The following KLHL18 variants were observed in gnomAD, a reference collection of about 807,000 sequenced individuals.
The protein encoded by KLHL18 is kelch like family member 18, also known as kelch-like protein 18.
KLHL18 carries 38 observed loss-of-function variants against 58.5 expected under a neutral mutation model. The observed-to-expected ratio is 0.65, with a 90% confidence interval of 0.50 to 0.85. The LOEUF is 0.85. KLHL18 is among the 40% of genes least tolerant of loss of function. The pLI is 0.00. For synonymous variants in KLHL18, 303 were observed against 301.9 expected, an observed-to-expected ratio of 1.00 and a Z score of -0.04; for missense variants, 624 against 778.4, an observed-to-expected ratio of 0.80 and a Z score of 2.36.
At chr3:47,316,548 C>CATATATATGTATATATATAT (rs1559495599) in intron 1 of KLHL18, among the ~76,000 whole-genome samples, 1 of 7,316 alleles carries the variant, frequency 1.4e-4, no homozygotes, top group African/African-American at 2.3e-4. Flanking sequence ...TACATATATA[C>CATATATATGTATATATATAT]ATATATACAT....
At chr3:47,333,546 G>A (rs1231001255) in intron 5 of KLHL18, among the ~76,000 whole-genome samples, 1 of 152,218 alleles carries the variant, frequency 6.6e-6, no homozygotes. Context: ...AGCAGAAAGG[G>A]CTTTCCCCTG....
chr3:47,331,448 T>G (rs1703857727), intron 4 of KLHL18, among the ~76,000 whole-genome samples: 1 of 67,866 alleles, frequency 1.5e-5, no homozygotes. Flanking sequence ...TTTTTTTTTT[T>G]GTGAGACAGA....
Position 47,283,057 on chromosome 3 carries a change from TC to T in KLHL18, c.94del (p.Arg32GlyfsTer9). The T allele has an allele frequency of 6.9e-6, 11 of 1,596,264 alleles. No homozygotes were observed. Among genetic ancestry groups the T allele is most frequent in the Non-Finnish European group, 9.4e-6 (11 of 1,171,882 alleles). On this transcript the variant is annotated frameshift_variant, in exon 1 of 10. Transcript: ENST00000232766. LOFTEE classifies it high-confidence loss of function. ...PSRGYGVMEEIRRQGKLCDVT... is the reference protein window; with the variant it reads ...PSRGYGVMEEXRRQGKLCDVT... ...CGCGGCTACGGCGTCATGGAGGAGA[TC>T]CGGCGGCAGGGCAAGCTGTGCGACG... is the stretch of plus-strand genomic sequence containing the variant.
intron 1 of KLHL18, among the ~76,000 whole-genome samples, chr3:47,297,123 T>G (rs931644144): frequency 6.6e-6 from 1 of 152,190 alleles, no homozygotes; most frequent in African/African-American, 2.4e-5. Flanking sequence ...ACTTCCTTCC[T>G]CACCCCCTTC....
At chr3:47,322,451 T>G in intron 2 of KLHL18, 117 bp from the exon 3 acceptor site, 1 of 929,524 alleles carries the variant, frequency 1.1e-6, no homozygotes, top group East Asian at 3.0e-5. Flanking sequence ...AGTTACTCCA[T>G]TAGATAGATT....
rs1206489148 is a variant in KLHL18, at chr3:47,334,381, G to A, written c.762-302G>A. On this transcript the variant is annotated intron_variant, in intron 5 of 9. Coordinates refer to ENST00000232766, the MANE Select transcript of KLHL18 (RefSeq NM_025010.5). This position sits in a 1 kb window ranked among gnomAD's most constrained non-coding sequence, Gnocchi z 4.7. ...GGCTAGGTCTGAGTGGCAACAGGGT[G>A]CATGCTGCTTGTCGAAACTCCCAGG... Among the ~76,000 whole-genome samples, 1 of 152,136 alleles carries A rather than the reference G, an allele frequency of 6.6e-6. No homozygotes were observed. Among genetic ancestry groups the A allele is most frequent in the East Asian group, 1.9e-4 (1 of 5,194 alleles).
chr3:47,340,836 G>C (rs1209979994), intron 8 of KLHL18, among the ~76,000 whole-genome samples, 160 bp downstream of exon 8: 4 of 151,948 alleles, frequency 2.6e-5, no homozygotes, highest in Admixed American at 6.6e-5. Flanking sequence ...ATAACCCTTG[G>C]TTAAGTGAAA....
chr3:47,339,481 A>G (rs1208616199), intron 7 of KLHL18, among the ~76,000 whole-genome samples: 1 of 148,126 alleles, frequency 6.8e-6, no homozygotes, highest in African/African-American at 2.5e-5. Context: ...ATAGAGCAAG[A>G]CCTCATCTCA....
intron 1 of KLHL18, among the ~76,000 whole-genome samples, chr3:47,313,184 C>T (rs1258845612): frequency 6.6e-6 from 1 of 150,568 alleles, no homozygotes; most frequent in East Asian, 2.0e-4. Context: ...GCTGGGATTA[C>T]AGGCGTGAGC....
chr3:47,286,075 T>A (rs1559483368), intron 1 of KLHL18, among the ~76,000 whole-genome samples: 1 of 151,828 alleles, frequency 6.6e-6, no homozygotes, highest in Non-Finnish European at 1.5e-5. Flanking sequence ...TAGTTTCAAC[T>A]GAGACGGTCA....
chr3:47,317,566 A>G (rs1703485061), intron 1 of KLHL18, among the ~76,000 whole-genome samples: 1 of 152,218 alleles, frequency 6.6e-6, no homozygotes, highest in Non-Finnish European at 1.5e-5. Context: ...CTTAAAACAA[A>G]CAACTGATAG....
At chr3:47,298,355 A>AAT (rs1241784079) in intron 1 of KLHL18, among the ~76,000 whole-genome samples, 2 of 149,292 alleles carry the variant, frequency 1.3e-5, no homozygotes, top group Non-Finnish European at 3.0e-5. Context: ...CCTGTCTCTA[A>AAT]AAAAAAAAAA....
chr3:47,319,588 TTTTG>T lies in KLHL18; in HGVS notation c.130-53_130-50del, dbSNP rs564729073. On this transcript the variant is annotated intron_variant, in intron 1 of 9. Transcript: ENST00000232766. ...CCGGGCGGAGGGGCAGGGTGGGTTT[TTTTG>T]TTTGTTTGTTTTTGTTTTGCATTCC... 1.7e-4 allele frequency: 266 copies of T among 1,577,432 alleles called. 5 individuals carry two copies. The South Asian group carries it at 2.4e-3, about 14-fold the overall frequency.
intron 8 of KLHL18, among the ~76,000 whole-genome samples, chr3:47,341,108 A>C (rs554749617): frequency 1.6e-4 from 24 of 152,306 alleles, no homozygotes; most frequent in Admixed American, 1.0e-3. Flanking sequence ...CATAAGATAT[A>C]TTAACATTTT....
In KLHL18 at chr3:47,327,137, GC is replaced by G. The variant is rs547627786; in HGVS notation, c.402-2813del. ...GCCTGTAATCCCAGCTACTTGGGAG[GC>G]TGAGCCAGGAGAATCACTTGAACCC... On this transcript the variant is annotated intron_variant, in intron 3 of 9. Coordinates refer to ENST00000232766, the MANE Select transcript of KLHL18 (RefSeq NM_025010.5). Among the ~76,000 whole-genome samples, 1,145 of 152,308 alleles carry G rather than the reference GC, an allele frequency of 7.5e-3. 14 individuals are homozygous for G. Among genetic ancestry groups the G allele is most frequent in the African/African-American group, 0.026 (1,090 of 41,550 alleles).
intron 3 of KLHL18, among the ~76,000 whole-genome samples, chr3:47,325,158 G>A (rs755383846): frequency 1.3e-5 from 2 of 152,102 alleles, no homozygotes; most frequent in Non-Finnish European, 2.9e-5. Flanking sequence ...ATGTGCCCTT[G>A]AAGGTGCATC....
chr3:47,327,602 C>T (rs1703755754), intron 3 of KLHL18, among the ~76,000 whole-genome samples: 1 of 152,254 alleles, frequency 6.6e-6, no homozygotes, highest in Non-Finnish European at 1.5e-5. Flanking sequence ...GATGACTGAG[C>T]TGACATTCTG....
At chr3:47,301,795 G>A (rs1703031282) in intron 1 of KLHL18, among the ~76,000 whole-genome samples, 1 of 152,002 alleles carries the variant, frequency 6.6e-6, no homozygotes, top group Non-Finnish European at 1.5e-5. Flanking sequence ...GTTTTGTTTT[G>A]TTTCTTCTTC....
chr3:47,314,116 A>G (rs867207971), intron 1 of KLHL18, among the ~76,000 whole-genome samples: 7 of 151,964 alleles, frequency 4.6e-5, no homozygotes, highest in East Asian at 1.9e-4. Flanking sequence ...GCTCACTGCA[A>G]CCTTGAACTC....
Sources: allele counts gnomAD v4.1 joint callset (sites outside exome capture counted in the v4.1 genomes callset), GRCh38; gene constraint gnomAD v4.1.1; non-coding constraint Gnocchi (gnomAD v3.1); transcripts MANE v1.5; gene names NCBI Gene and HGNC (gene_info 2026-07-23, HGNC 2026-07-21).